Variants in PTPRD observed in about 807,000 individuals in gnomAD.
PTPRD encodes the protein receptor-type tyrosine-protein phosphatase delta.
In PTPRD, 34 loss-of-function variants were observed where a neutral mutation model predicts 214.5. The observed-to-expected ratio is 0.16, with a 90% confidence interval of 0.12 to 0.21. The LOEUF (loss-of-function observed/expected upper bound fraction) is 0.21. Ranked by LOEUF, PTPRD falls within the 10% of genes least tolerant of loss-of-function variation. The pLI, the probability that PTPRD is intolerant of heterozygous loss-of-function variation, is 1.00. For synonymous variants in PTPRD, 1,128 were observed against 845.7 expected, an observed-to-expected ratio of 1.33 and a Z score of -5.79; for missense variants, 2,545 against 2,398.7, an observed-to-expected ratio of 1.06 and a Z score of -1.27.
chr9:9,280,584 A>T (rs1947324897), intron 9 of PTPRD, among the ~76,000 whole-genome samples: 1 of 151,326 alleles, frequency 6.6e-6, no homozygotes, highest in Non-Finnish European at 1.5e-5. Context: ...TATGTATAAG[A>T]TCCATATCAG....
At chr9:10,092,076 A>G (rs1305525050) in intron 3 of PTPRD, among the ~76,000 whole-genome samples, 1 of 151,410 alleles carries the variant, frequency 6.6e-6, no homozygotes, top group African/African-American at 2.4e-5. Flanking sequence ...GGAAGAAACC[A>G]TATAATGTAT....
At chr9:9,711,711 G>A (rs941534106) in intron 7 of PTPRD, among the ~76,000 whole-genome samples, 4 of 152,192 alleles carry the variant, frequency 2.6e-5, no homozygotes, top group Admixed American at 1.3e-4. Flanking sequence ...TACATGTAGC[G>A]GGGAGAAACT....
chr9:10,448,553 CA>C (rs1421892507), intron 2 of PTPRD, among the ~76,000 whole-genome samples: 1 of 151,988 alleles, frequency 6.6e-6, no homozygotes, highest in African/African-American at 2.4e-5. Flanking sequence ...TGATAGTGAA[CA>C]CCTTAAATAT....
chr9:9,144,398 T>C (rs967123411), intron 10 of PTPRD, among the ~76,000 whole-genome samples: 1 of 152,228 alleles, frequency 6.6e-6, no homozygotes, highest in Admixed American at 6.5e-5. Context: ...TTCATTTTTT[T>C]ATGTCAACTG....
Position 10,511,039 on chromosome 9 carries a change from A to C in PTPRD, c.-600+101359T>G, listed in dbSNP as rs866514815. ...TATTGTAAATGTACTTATGATTCATACATGTTATTGTAAATGTACTTATGA... is the reference window on the plus strand; with the variant it reads ...TATTGTAAATGTACTTATGATTCATCCATGTTATTGTAAATGTACTTATGA... On this transcript the variant is annotated intron_variant, in intron 2 of 45. Coordinates refer to ENST00000381196, the MANE Select transcript of PTPRD (RefSeq NM_002839.4). Among the ~76,000 whole-genome samples, 3 of 124,302 alleles carry C rather than the reference A, an allele frequency of 2.4e-5. 1 individual carries two copies. Among genetic ancestry groups the C allele is most frequent in the African/African-American group, 1.1e-4 (3 of 28,192 alleles). 81.5% of individuals were successfully genotyped at this position (124,302 alleles called of 152,430 possible). A position where few individuals can be genotyped will look rare whatever the true frequency, so the allele number is the denominator to read the frequency against.
chr9:10,537,350 C>T (rs960590646), intron 2 of PTPRD, among the ~76,000 whole-genome samples: 5 of 152,130 alleles, frequency 3.3e-5, no homozygotes, highest in South Asian at 2.1e-4. Flanking sequence ...CTCAACAACA[C>T]ATTCTGTTTT....
chr9:9,744,104 T>C (rs2098435465), intron 6 of PTPRD, among the ~76,000 whole-genome samples: 2 of 152,172 alleles, frequency 1.3e-5, no homozygotes, highest in African/African-American at 2.4e-5. Flanking sequence ...GCATGAATAC[T>C]TATTACCACC....
At chr9:9,692,637 A>AG (rs1265356447) in intron 7 of PTPRD, among the ~76,000 whole-genome samples, 18 of 95,552 alleles carry the variant, frequency 1.9e-4, no homozygotes, top group East Asian at 6.6e-4. Context: ...ATAAATTTTA[A>AG]GTTTTTTTTT....
At chr9:9,747,151 C>T (rs1412815190) in intron 6 of PTPRD, among the ~76,000 whole-genome samples, 1 of 152,068 alleles carries the variant, frequency 6.6e-6, no homozygotes, top group East Asian at 1.9e-4. Context: ...TTTTTCAAAG[C>T]CTGGAAAAGA....
At chr9:10,197,124 CG>C (rs1440923188) in intron 3 of PTPRD, among the ~76,000 whole-genome samples, 1 of 152,052 alleles carries the variant, frequency 6.6e-6, no homozygotes, top group African/African-American at 2.4e-5. Context: ...AAAACTGTGT[CG>C]TGTTGCCAAA....
At chr9:9,847,803 T>A (rs982486537) in intron 5 of PTPRD, among the ~76,000 whole-genome samples, 1 of 152,052 alleles carries the variant, frequency 6.6e-6, no homozygotes, top group African/African-American at 2.4e-5. Context: ...GGGCTGTCGG[T>A]GGAGCTGAGC....
In PTPRD at chr9:9,470,731, G is replaced by A. The variant is rs1283266032; in HGVS notation, c.-236-73249C>T. 3.9e-5 allele frequency among the ~76,000 whole-genome samples: 6 copies of A among 152,224 alleles called. No individual in the cohort carries two copies. The East Asian group carries it at 5.8e-4, about 15-fold the overall frequency. On this transcript the variant is annotated intron_variant, in intron 8 of 45. Transcript: ENST00000381196. Reference sequence around the variant, plus strand: ...GCCATATGGATTGTTTTGGTATTCAGGGGATAGGAATTGGAAATCAGTGTA... The same window carrying A: ...GCCATATGGATTGTTTTGGTATTCAAGGGATAGGAATTGGAAATCAGTGTA...
At chr9:9,275,198 AT>A (rs1555160172) in intron 9 of PTPRD, among the ~76,000 whole-genome samples, 4,015 of 12,872 alleles carry the variant, frequency 0.31, 384 homozygotes, top group African/African-American at 0.41. Flanking sequence ...ATATATATAT[AT>A]TATATATATA....
At chr9:10,155,174 C>G (rs1038734217) in intron 3 of PTPRD, among the ~76,000 whole-genome samples, 13 of 152,028 alleles carry the variant, frequency 8.6e-5, no homozygotes, top group African/African-American at 3.1e-4. Flanking sequence ...ACATGGTTAG[C>G]TGTAATCCTA....
chr9:8,356,239 G>T (rs371805762), intron 39 of PTPRD, among the ~76,000 whole-genome samples: 1 of 151,970 alleles, frequency 6.6e-6, no homozygotes. Context: ...CCCCAAATGC[G>T]AGCAAATCAG....
At chr9:9,329,584 A>G (rs2041531415) in intron 9 of PTPRD, among the ~76,000 whole-genome samples, 1 of 152,200 alleles carries the variant, frequency 6.6e-6, no homozygotes, top group South Asian at 2.1e-4. Context: ...TCCTAACCCC[A>G]TAGCCTGCTT....
At chr9:8,350,830 G>A (rs10739158) in intron 39 of PTPRD, among the ~76,000 whole-genome samples, 72,070 of 151,962 alleles carry the variant, frequency 0.47, 19,958 homozygotes, top group Non-Finnish European at 0.63. Flanking sequence ...AGTCAAATTT[G>A]TCCATGCTAT....
At chr9:10,431,984 A>G (rs1401409345) in intron 2 of PTPRD, among the ~76,000 whole-genome samples, 5 of 152,024 alleles carry the variant, frequency 3.3e-5, no homozygotes, top group Admixed American at 1.3e-4. Flanking sequence ...ACACATGCAC[A>G]CGTATGTTTA....
chr9:9,974,210 T>C (rs1229712823), intron 4 of PTPRD, among the ~76,000 whole-genome samples: 1 of 152,340 alleles, frequency 6.6e-6, no homozygotes, highest in African/African-American at 2.4e-5. Context: ...ATGTAACGAT[T>C]ACATAGCCTC....
Sources: gnomAD v4.1 joint callset for allele counts (sites outside exome capture counted in the v4.1 genomes callset) on GRCh38, gnomAD v4.1.1 for gene constraint, MANE v1.5 for transcripts, NCBI Gene and HGNC (gene_info 2026-07-23, HGNC 2026-07-21) for gene names.